Variants in CDON observed in about 807,000 individuals in gnomAD.
The protein encoded by CDON is cell adhesion molecule-related/down-regulated by oncogenes.
In CDON, 73 loss-of-function variants were observed where a neutral mutation model predicts 120.9. The ratio of observed to expected loss-of-function variants is 0.60; its 90% CI spans 0.50 to 0.73. The LOEUF (loss-of-function observed/expected upper bound fraction) is 0.73, where lower values mean the gene tolerates loss of function less well. Ranked by LOEUF, CDON falls within the 30% of genes least tolerant of loss-of-function variation. The pLI, the probability that CDON is intolerant of heterozygous loss-of-function variation, is 0.00. For synonymous variants in CDON, 566 were observed against 573.5 expected (o/e 0.99, Z 0.19); for missense variants, 1,470 against 1,587.3 (o/e 0.93, Z 1.26).
chr11:126,049,614 G>A (rs1477029104), intron 1 of CDON, among the ~76,000 whole-genome samples: 3 of 152,098 alleles, frequency 2.0e-5, no homozygotes, highest in African/African-American at 7.2e-5. Flanking sequence ...ATCATTAAAT[G>A]CCAAAACATT....
chr11:125,988,265 TATG>T (rs1444401694), intron 15 of CDON, among the ~76,000 whole-genome samples: 3 of 152,284 alleles, frequency 2.0e-5, no homozygotes, highest in Non-Finnish European at 4.4e-5. Context: ...CACGGTCAGA[TATG>T]ATAACACTTT....
intron 15 of CDON, among the ~76,000 whole-genome samples, chr11:125,986,811 T>C (rs1410149731): frequency 1.3e-5 from 2 of 151,742 alleles, no homozygotes; most frequent in Non-Finnish European, 2.9e-5. Context: ...TGGGGTTCAA[T>C]TTTCTAGCAG....
intron 16 of CDON, among the ~76,000 whole-genome samples, 182 bp from the exon 17 acceptor site, chr11:125,981,511 C>G (rs1946301463): frequency 6.6e-6 from 1 of 152,112 alleles, no homozygotes; most frequent in Admixed American, 6.5e-5. Context: ...TACGAAACTA[C>G]AAATAGACTA....
intron 1 of CDON, among the ~76,000 whole-genome samples, chr11:126,058,372 C>T (rs955734678): frequency 3.3e-5 from 5 of 152,178 alleles, no homozygotes; most frequent in Non-Finnish European, 7.3e-5. Context: ...TGAATGCGGA[C>T]AGGCACAAAC....
chr11:126,010,739 G>C, intron 7 of CDON, 45 bp from the exon 8 acceptor site: 1 of 1,497,812 alleles, frequency 6.7e-7, no homozygotes, highest in Non-Finnish European at 9.3e-7. Flanking sequence ...GAACATTGTA[G>C]TACCTACGAT....
rs61446837 is a variant in CDON at position 125,981,970 on chromosome 11, C to CTTTTTTTTTTTTTTTTTTTTT, written c.2996-662_2996-642dup. ...CAAAGGCAAAAAGTGATTCTATTTT[C>CTTTTTTTTTTTTTTTTTTTTT]TTTTTTTTTTTTTTTTTTTTTTTTT... is the stretch of plus-strand genomic sequence containing the variant. On this transcript the variant is annotated intron_variant, in intron 16 of 19. Transcript: ENST00000531738. Among the ~76,000 whole-genome samples the CTTTTTTTTTTTTTTTTTTTTT allele has an allele frequency of 1.5e-4, 8 of 54,296 alleles. 3 individuals carry two copies. The highest frequency in any genetic ancestry group is 5.6e-4 in the African/African-American group (7 of 12,438). 35.6% of individuals were successfully genotyped at this position (54,296 alleles called of 152,430 possible).
intron 18 of CDON, among the ~76,000 whole-genome samples, chr11:125,969,355 T>A (rs544646311): frequency 6.6e-6 from 1 of 152,380 alleles, no homozygotes; most frequent in South Asian, 2.1e-4. Flanking sequence ...AGCAATTAGA[T>A]GATCACAAAA....
intron 1 of CDON, among the ~76,000 whole-genome samples, chr11:126,045,702 G>A (rs923266789): frequency 1.3e-5 from 2 of 152,060 alleles, no homozygotes; most frequent in South Asian, 2.1e-4. Flanking sequence ...TGGGCACAGT[G>A]GCTCACCCCT....
At chr11:126,042,914 C>T (rs559105804) in intron 1 of CDON, among the ~76,000 whole-genome samples, 1 of 152,254 alleles carries the variant, frequency 6.6e-6, no homozygotes, top group South Asian at 2.1e-4. Context: ...TGAGCCACCT[C>T]GCCTGGCCGA....
At chr11:126,046,925 G>T (rs1374739593) in intron 1 of CDON, among the ~76,000 whole-genome samples, 1 of 152,174 alleles carries the variant, frequency 6.6e-6, no homozygotes, top group Non-Finnish European at 1.5e-5. Flanking sequence ...CCAAACACAT[G>T]TAAGCCCAAA....
chr11:126,016,894 T>C lies in CDON; in HGVS notation c.928+194A>G, dbSNP rs537496830. On this transcript the variant is annotated intron_variant, in intron 6 of 19. Coordinates refer to ENST00000531738, the MANE Select transcript of CDON (RefSeq NM_001378964.1). Reference sequence around the variant, plus strand: ...GGGTGAGGTTCCGAAGAATATTCCATGCGAAATGCTCTATGCCACCCAGAA... The same window carrying C: ...GGGTGAGGTTCCGAAGAATATTCCACGCGAAATGCTCTATGCCACCCAGAA... 1.1e-4 allele frequency among the ~76,000 whole-genome samples: 16 copies of C among 152,226 alleles called. No individual in the cohort carries two copies. In the South Asian group the frequency reaches 2.5e-3, roughly 24 times the overall value.
At chr11:126,027,969 C>CTTTTTTTTTTT (rs769832631) in intron 1 of CDON, among the ~76,000 whole-genome samples, 1 of 125,772 alleles carries the variant, frequency 8.0e-6, no homozygotes, top group African/African-American at 3.0e-5. Context: ...ATCACTCTGC[C>CTTTTTTTTTTT]TTTTTTTTTT....
chr11:126,020,065 G>GA (rs1428283761), intron 3 of CDON, among the ~76,000 whole-genome samples: 3 of 148,850 alleles, frequency 2.0e-5, no homozygotes, highest in East Asian at 3.9e-4. Flanking sequence ...GAAAAAAAAA[G>GA]AAAAAAAAGA....
intron 18 of CDON, among the ~76,000 whole-genome samples, chr11:125,964,141 G>C (rs1482303116): frequency 6.6e-6 from 1 of 152,198 alleles, no homozygotes; most frequent in Admixed American, 6.5e-5. Context: ...AAGTCCCCCT[G>C]AATGTATTCA....
Position 126,001,712 on chromosome 11 carries a change from T to G in CDON, c.2158+7A>C, listed in dbSNP as rs376244204. ...GTAAAGAAACAATAAAATATTCTTC[T>G]TTTTACCTCCACTGTGCCTAGAGGA... On this transcript the variant is annotated splice_region_variant and intron_variant, in intron 11 of 19. Transcript: ENST00000531738. 55 of 1,612,634 alleles carry G rather than the reference T, an allele frequency of 3.4e-5. No individual in the cohort carries two copies. Among genetic ancestry groups the G allele is most frequent in the Non-Finnish European group, 4.3e-5 (51 of 1,178,964 alleles).
In CDON at chr11:125,981,286, G is replaced by A. The variant is rs684805; in HGVS notation, c.3039C>T (p.Asn1013=). ...PGYLYQGSDM[N]GQMVDYTTLS... is the part of the protein sequence containing the mutation. ...GAGTGGTGTAGTCCACCATCTGCCC[G>A]TTCATATCTGATCCTTGGTAGAGAT... Residue 1013 remains asparagine, a synonymous_variant, in exon 17 of 20, where the codon AAC becomes AAT. Coordinates refer to ENST00000531738, the MANE Select transcript of CDON (RefSeq NM_001378964.1). 438,494 of 1,613,168 alleles carry A rather than the reference G, an allele frequency of 0.27. 62,717 individuals are homozygous for A. Among genetic ancestry groups the A allele is most frequent in the African/African-American group, 0.46 (34,589 of 74,860 alleles).
At position 125,974,390 on chromosome 11, in the gene CDON, AAGGGAGGGAGGG is replaced by A. The variant is rs149644937; in HGVS notation, c.3356+3902_3356+3913del. On this transcript the variant is annotated intron_variant, in intron 18 of 19. Coordinates refer to ENST00000531738, the MANE Select transcript of CDON (RefSeq NM_001378964.1). ...GTAGGAAGGAAGGAAGGAAGGAAGG[AAGGGAGGGAGGG>A]AGGGAGGGAGGGAGGGAGGGAGGGA... Among the ~76,000 whole-genome samples the A allele has an allele frequency of 8.4e-3, 388 of 46,034 alleles. 6 individuals are homozygous for A. Among genetic ancestry groups the A allele is most frequent in the African/African-American group, 0.041 (285 of 6,956 alleles). The allele number at this position is 46,034 out of a possible 152,430, so 30.2% of individuals were successfully genotyped here. A position where few individuals can be genotyped will look rare whatever the true frequency, so the allele number is the denominator to read the frequency against.
At chr11:126,009,876 A>G (rs1947240773) in intron 8 of CDON, among the ~76,000 whole-genome samples, 1 of 152,210 alleles carries the variant, frequency 6.6e-6, no homozygotes, top group Admixed American at 6.5e-5. Flanking sequence ...TGAAGAATTA[A>G]TATTATACAT....
intron 18 of CDON, among the ~76,000 whole-genome samples, chr11:125,964,807 A>G (rs1228192396): frequency 6.6e-6 from 1 of 152,234 alleles, no homozygotes; most frequent in African/African-American, 2.4e-5. Flanking sequence ...CATAATCAGG[A>G]AAATTACATT....
Sources: allele counts gnomAD v4.1 joint callset (sites outside exome capture counted in the v4.1 genomes callset), GRCh38; gene constraint gnomAD v4.1.1; transcripts MANE v1.5; gene names NCBI Gene and HGNC (gene_info 2026-07-23, HGNC 2026-07-21).